Variants in N4BP2 observed in about 807,000 individuals in gnomAD.
The protein encoded by N4BP2 is NEDD4-binding protein 2.
A neutral mutation model predicts 152.8 loss-of-function variants in N4BP2; 91 were observed. That is an observed-to-expected ratio of 0.60 (90% CI 0.50 to 0.71). N4BP2 has a LOEUF of 0.71. Among genes scored for constraint, N4BP2 ranks in the 30% least tolerant of loss-of-function variants. The probability of loss-of-function intolerance (pLI) is 0.00; values close to 1 mark genes in which losing one functional copy is unlikely to be tolerated. For missense variants in N4BP2, 1,923 were observed against 2,059.1 expected, an observed-to-expected ratio of 0.93 and a Z score of 1.28; for synonymous variants, 646 against 705.3, an observed-to-expected ratio of 0.92 and a Z score of 1.33.
intron 4 of N4BP2, among the ~76,000 whole-genome samples, chr4:40,105,093 C>A (rs898883486): frequency 6.6e-6 from 1 of 152,034 alleles, no homozygotes; most frequent in Non-Finnish European, 1.5e-5. Context: ...TGAGCCACCA[C>A]GCCCAACAAT....
the N4BP2 span, among the ~76,000 whole-genome samples, chr4:40,177,019 C>T: frequency 3.9e-5 from 6 of 152,206 alleles, no homozygotes; most frequent in Non-Finnish European, 8.8e-5. Flanking sequence ...ATAAGAACCC[C>T]CTCTTTGGCG....
chr4:40,102,352 T>C lies in N4BP2; in HGVS notation c.507T>C (p.Asp169=). ...TATACTCATTTTTGCCTTCACAAGA[T>C]GTTAATAGTTTTAATGACTCAAGTG... ...DQVYSFLPSQ[D]VNSFNDSSEF... The change falls in exon 4 of 18, where the codon GAT becomes GAC. Residue 169 remains aspartate, a synonymous_variant. Transcript: ENST00000261435. 6.2e-7 allele frequency: 1 copy of C among 1,613,354 alleles called. No homozygotes were observed. Among genetic ancestry groups the C allele is most frequent in the Non-Finnish European group, 8.5e-7 (1 of 1,179,796 alleles).
At chr4:40,086,128 C>G (rs1713922459) in intron 2 of N4BP2, among the ~76,000 whole-genome samples, 1 of 70,752 alleles carries the variant, frequency 1.4e-5, no homozygotes, top group Non-Finnish European at 2.9e-5. Flanking sequence ...ACATGCCCGG[C>G]TAATTTTTTT....
At chr4:40,060,098 C>T (rs986984425) in intron 1 of N4BP2, among the ~76,000 whole-genome samples, 7 of 151,510 alleles carry the variant, frequency 4.6e-5, no homozygotes, top group East Asian at 2.0e-4. Flanking sequence ...CCTCTCAAGG[C>T]GCTGAGATTA....
At chr4:40,059,810 T>G (rs1733514259) in intron 1 of N4BP2, among the ~76,000 whole-genome samples, 1 of 152,196 alleles carries the variant, frequency 6.6e-6, no homozygotes, top group Non-Finnish European at 1.5e-5. Context: ...TTAAGCACTT[T>G]GCATATGTGA....
At chr4:40,081,365 G>T (rs896688190) in intron 2 of N4BP2, among the ~76,000 whole-genome samples, 2 of 152,238 alleles carry the variant, frequency 1.3e-5, no homozygotes, top group East Asian at 1.9e-4. Context: ...TACAGTGAAG[G>T]CCGGGCGAGG....
At chr4:40,110,747 AG>A (rs368890558) in intron 5 of N4BP2, among the ~76,000 whole-genome samples, 258 of 152,290 alleles carry the variant, frequency 1.7e-3, no homozygotes, top group African/African-American at 5.8e-3. Flanking sequence ...TGTGTTGGCC[AG>A]GATGGTCTCG....
At chr4:40,128,728 A>C (rs1180897720) in intron 12 of N4BP2, among the ~76,000 whole-genome samples, 1 of 152,008 alleles carries the variant, frequency 6.6e-6, no homozygotes, top group Non-Finnish European at 1.5e-5. Context: ...GGGTTTCACC[A>C]TGTTGGCCAG....
At chr4:40,062,366 G>A (rs915479564) in intron 1 of N4BP2, among the ~76,000 whole-genome samples, 2 of 151,760 alleles carry the variant, frequency 1.3e-5, no homozygotes, top group Admixed American at 6.6e-5. Flanking sequence ...CCCTATCCTC[G>A]CTGCTGCCCT....
chr4:40,160,028 C>T (rs961786603), downstream of N4BP2, among the ~76,000 whole-genome samples: 1 of 152,032 alleles, frequency 6.6e-6, no homozygotes, highest in African/African-American at 2.4e-5. Flanking sequence ...GCATGTTGCC[C>T]AGGCTGGTCT....
intron 1 of N4BP2, among the ~76,000 whole-genome samples, chr4:40,067,259 G>A (rs1045365980): frequency 2.6e-5 from 4 of 151,554 alleles, no homozygotes; most frequent in African/African-American, 9.7e-5. Flanking sequence ...CATGTTGCCC[G>A]GGCTGATCTT....
Position 40,121,403 on chromosome 4 carries a change from C to T in N4BP2, c.3292C>T (p.Leu1098=), listed in dbSNP as rs372162338. 20 of 1,611,530 alleles carry T rather than the reference C, an allele frequency of 1.2e-5. No individual in the cohort carries two copies. The South Asian group carries it at 2.2e-4, about 18-fold the overall frequency. ...TGAAAATCTTAACATTCTTTGTAAA[C>T]TGTTTGGATCCTTTTCATTAGAAGC... The part of the protein sequence containing the change: ...ESENLNILCK[L]FGSFSLEALK... The change falls in exon 9 of 18, where the codon CTG becomes TTG. Residue 1098 remains leucine (L), a synonymous_variant. Transcript: ENST00000261435.
At chr4:40,158,739 C>T (rs961087065), downstream of N4BP2, among the ~76,000 whole-genome samples, 2 of 151,526 alleles carry the variant, frequency 1.3e-5, no homozygotes, top group Admixed American at 6.6e-5. Flanking sequence ...TGCCACTGAG[C>T]TCCAGCCTGG....
At chr4:40,060,435 G>C (rs1410354064) in intron 1 of N4BP2, among the ~76,000 whole-genome samples, 8 of 151,938 alleles carry the variant, frequency 5.3e-5, no homozygotes, top group Non-Finnish European at 1.2e-4. Flanking sequence ...AGTAGTGATG[G>C]GGTTACACCT....
At chr4:40,141,679 C>T (rs11614296) in intron 14 of N4BP2, among the ~76,000 whole-genome samples, 22 of 151,820 alleles carry the variant, frequency 1.4e-4, no homozygotes, top group South Asian at 1.3e-3. Flanking sequence ...ACTTCCCAGA[C>T]GGGGTGGCGG....
At chr4:40,107,875 T>A (rs561673065) in intron 5 of N4BP2, among the ~76,000 whole-genome samples, 4 of 152,148 alleles carry the variant, frequency 2.6e-5, no homozygotes, top group African/African-American at 7.2e-5. Context: ...TCTAATTTTC[T>A]GCTTGGGTCT....
At chr4:40,165,780 C>G in the N4BP2 span, among the ~76,000 whole-genome samples, 1 of 152,152 alleles carries the variant, frequency 6.6e-6, no homozygotes, top group East Asian at 1.9e-4. Flanking sequence ...CAGTATTCCT[C>G]AAAGAACTTA....
Position 40,113,415 on chromosome 4 carries a change from G to T in N4BP2, c.1588-17G>T, listed in dbSNP as rs1467446807. Reference sequence around the variant, plus strand: ...GAAATACCTATTTTAAAATGTTTTTGTCTTTGTTGTATGTAGTCTCAGAAA... The same window carrying T: ...GAAATACCTATTTTAAAATGTTTTTTTCTTTGTTGTATGTAGTCTCAGAAA... On this transcript the variant is annotated splice_polypyrimidine_tract_variant and intron_variant, in intron 6 of 17. Transcript: ENST00000261435. The T allele has an allele frequency of 6.5e-7, 1 of 1,543,960 alleles. No individual in the cohort carries two copies.
chr4:40,116,957 T>TAA (rs547693174), intron 7 of N4BP2, among the ~76,000 whole-genome samples: 2 of 152,198 alleles, frequency 1.3e-5, no homozygotes. Context: ...TCTTTGTAGA[T>TAA]AACTAGTTTT....
Sources: allele counts gnomAD v4.1 joint callset (sites outside exome capture counted in the v4.1 genomes callset), GRCh38; gene constraint gnomAD v4.1.1; transcripts MANE v1.5; gene names NCBI Gene and HGNC (gene_info 2026-07-23, HGNC 2026-07-21).